FANCL: variants seen among roughly 807,000 people sequenced by gnomAD.
FANCL encodes the protein FA complementation group L.
Under a neutral mutation model 59.4 loss-of-function variants are expected in FANCL, and 69 were observed. That is an observed-to-expected ratio of 1.16 (90% CI 0.96 to 1.42). The LOEUF is 1.42. FANCL is among the 40% of genes most tolerant of loss of function. The pLI is 0.00. For missense variants in FANCL, 519 were observed against 447.2 expected (o/e 1.16, Z -1.45); for synonymous variants, 180 against 147.1 (o/e 1.22, Z -1.62).
At chr2:58,165,590 A>C in intron 8 of FANCL, 134 bp downstream of exon 8, 2 of 1,083,164 alleles carry the variant, frequency 1.8e-6, no homozygotes, top group Non-Finnish European at 2.7e-6. Context: ...GTAGCCAAAA[A>C]AAAGTTTATA....
intron 7 of FANCL, among the ~76,000 whole-genome samples, chr2:58,172,746 G>C (rs1686794123): frequency 6.6e-6 from 1 of 152,130 alleles, no homozygotes; most frequent in African/African-American, 2.4e-5. Flanking sequence ...TCCTCCAAAG[G>C]AACACAGCTC....
intron 7 of FANCL, among the ~76,000 whole-genome samples, chr2:58,169,738 C>A (rs947773243): frequency 6.6e-6 from 1 of 151,824 alleles, no homozygotes. Context: ...AAACACAGCA[C>A]GAGAACTTTG....
intron 7 of FANCL, among the ~76,000 whole-genome samples, chr2:58,178,836 T>C (rs920844072): frequency 6.6e-6 from 1 of 152,122 alleles, no homozygotes; most frequent in African/African-American, 2.4e-5. Flanking sequence ...CAAAACCCTA[T>C]CATCTCAGCC....
At chr2:58,170,762 C>T (rs922105269) in intron 7 of FANCL, among the ~76,000 whole-genome samples, 3 of 150,330 alleles carry the variant, frequency 2.0e-5, no homozygotes, top group African/African-American at 7.3e-5. Flanking sequence ...CAACAAAGAT[C>T]AAAAGAGACA....
chr2:58,206,391 G>T (rs1455128150), intron 5 of FANCL, among the ~76,000 whole-genome samples: 1 of 152,068 alleles, frequency 6.6e-6, no homozygotes, highest in East Asian at 1.9e-4. Context: ...GAATAAGACT[G>T]GGGATAGAAA....
chr2:58,240,379 T>C (rs77566986), intron 1 of FANCL, among the ~76,000 whole-genome samples: 5 of 152,276 alleles, frequency 3.3e-5, no homozygotes, highest in African/African-American at 9.6e-5. Flanking sequence ...AGGAAAAGTC[T>C]ACACTCCTAA....
intron 5 of FANCL, 53 bp from the exon 6 acceptor site, chr2:58,204,279 G>C: frequency 7.9e-7 from 1 of 1,261,246 alleles, no homozygotes; most frequent in Non-Finnish European, 1.2e-6. Flanking sequence ...GCTGGAGAGG[G>C]GAACTGGAGA....
At chr2:58,217,239 CACACAT>C (rs1442499801) in intron 5 of FANCL, among the ~76,000 whole-genome samples, 1 of 71,854 alleles carries the variant, frequency 1.4e-5, no homozygotes, top group East Asian at 4.2e-4. Context: ...CACACACACA[CACACAT>C]ATATATGTTT....
rs1289879543 is a variant in FANCL, at chr2:58,204,122, G to C, written c.471+8C>G. The C allele has an allele frequency of 6.2e-7, 1 of 1,602,860 alleles. No individual in the cohort carries two copies. Among genetic ancestry groups the C allele is most frequent in the Admixed American group, 1.7e-5 (1 of 59,956 alleles). On this transcript the variant is annotated splice_region_variant and intron_variant, in intron 6 of 13. Transcript: ENST00000233741. The stretch of plus-strand genomic sequence containing the variant: ...CTGATCACAATAACAGTTTAACGAG[G>C]CACATACCTTTGCCTTCAACTTGAG...
chr2:58,238,310 A>G (rs1694208381), intron 1 of FANCL, among the ~76,000 whole-genome samples: 1 of 152,212 alleles, frequency 6.6e-6, no homozygotes, highest in African/African-American at 2.4e-5. Flanking sequence ...CTTGATTGCA[A>G]GATCATGAGA....
At chr2:58,212,932 G>C (rs1691326817) in intron 5 of FANCL, among the ~76,000 whole-genome samples, 1 of 152,114 alleles carries the variant, frequency 6.6e-6, no homozygotes, top group Non-Finnish European at 1.5e-5. Flanking sequence ...GAAAGAAAGG[G>C]AAGCTTTCAT....
At chr2:58,173,463 G>A (rs1228301252) in intron 7 of FANCL, among the ~76,000 whole-genome samples, 2 of 152,222 alleles carry the variant, frequency 1.3e-5, no homozygotes, top group East Asian at 3.8e-4. Flanking sequence ...CAAGCCAGAA[G>A]AGAGTGGGAG....
chr2:58,178,530 A>G (rs1352717136), intron 7 of FANCL, among the ~76,000 whole-genome samples: 2 of 152,082 alleles, frequency 1.3e-5, no homozygotes, highest in Non-Finnish European at 2.9e-5. Flanking sequence ...AAAATTCAAT[A>G]CCCCTTCATG....
At position 58,224,675 on chromosome 2, in the gene FANCL, T is replaced by A. The variant is rs542043750; in HGVS notation, c.273+2053A>T. Among the ~76,000 whole-genome samples the A allele has an allele frequency of 4.6e-5, 7 of 151,996 alleles. 1 individual carries two copies. The South Asian group carries it at 1.2e-3, about 27-fold the overall frequency. On this transcript the variant is annotated intron_variant, in intron 4 of 13. Transcript: ENST00000233741. Reference sequence around the variant, plus strand: ...AACTTTCCATTGTTAGCAATATTAGTATTGTAATTTTTATATAAACTAACA... The same window carrying A: ...AACTTTCCATTGTTAGCAATATTAGAATTGTAATTTTTATATAAACTAACA...
chr2:58,218,862 A>G (rs968391003), intron 5 of FANCL, among the ~76,000 whole-genome samples: 1 of 151,902 alleles, frequency 6.6e-6, no homozygotes, highest in African/African-American at 2.4e-5. Flanking sequence ...TCAGTATAAA[A>G]TCATGTTTAC....
At chr2:58,162,571 C>G (rs1056260003) in intron 11 of FANCL, among the ~76,000 whole-genome samples, 3 of 151,784 alleles carry the variant, frequency 2.0e-5, no homozygotes, top group Admixed American at 2.0e-4. Context: ...TGTGAAATCT[C>G]TGTATACAGA....
intron 7 of FANCL, among the ~76,000 whole-genome samples, chr2:58,168,241 C>A (rs1169188172): frequency 2.6e-5 from 4 of 152,266 alleles, no homozygotes; most frequent in African/African-American, 9.6e-5. Context: ...GCATTTCCAA[C>A]CAAGGTACCG....
chr2:58,161,725 G>A (rs1685204246), intron 11 of FANCL, 87 bp from the exon 12 acceptor site: 1 of 816,436 alleles, frequency 1.2e-6, no homozygotes, highest in South Asian at 1.4e-5. Flanking sequence ...GTGATATTTT[G>A]ATACATGTAT....
intron 7 of FANCL, among the ~76,000 whole-genome samples, chr2:58,187,233 C>T (rs1688491567): frequency 1.3e-5 from 2 of 151,976 alleles, no homozygotes; most frequent in Non-Finnish European, 1.5e-5. Context: ...TACTATGCAG[C>T]CATAAAAAAG....
Sources: gnomAD v4.1 joint callset for allele counts (sites outside exome capture counted in the v4.1 genomes callset) on GRCh38, gnomAD v4.1.1 for gene constraint, MANE v1.5 for transcripts, NCBI Gene and HGNC (gene_info 2026-07-23, HGNC 2026-07-21) for gene names.